Variants in RAB39A observed in about 807,000 individuals in gnomAD.
RAB39A encodes the protein ras-related protein Rab-39A.
Under a neutral mutation model 20.9 loss-of-function variants are expected in RAB39A, and 17 were observed. The ratio of observed to expected loss-of-function variants is 0.81; its 90% confidence interval spans 0.56 to 1.22. RAB39A has a LOEUF of 1.22. RAB39A is among the 50% of genes most tolerant of loss of function. The pLI, the probability that RAB39A is intolerant of heterozygous loss-of-function variation, is 0.00. For synonymous variants in RAB39A, 99 were observed against 103.4 expected, an observed-to-expected ratio of 0.96 and a Z score of 0.26; for missense variants, 234 against 270.5, an observed-to-expected ratio of 0.87 and a Z score of 0.95.
Position 107,928,495 on chromosome 11 carries a change from C to G in RAB39A, c.-74C>G, listed in dbSNP as rs1591238297. 3.3e-6 allele frequency: 4 copies of G among 1,199,776 alleles called. No homozygotes were observed. Among genetic ancestry groups the G allele is most frequent in the Non-Finnish European group, 3.3e-6 (3 of 909,200 alleles). 74.3% of individuals were successfully genotyped at this position (1,199,776 alleles called of 1,614,324 possible). The stretch of plus-strand genomic sequence containing the variant: ...GCGGCGGGCGGGCGCCCGCGAGGTG[C>G]TGAAAGGACAGTTCCCGCCGCCGAA... On this transcript the variant is annotated 5_prime_UTR_variant, in exon 1 of 2. Coordinates refer to ENST00000320578, the MANE Select transcript of RAB39A (RefSeq NM_017516.3). This position sits in a 1 kb window ranked among gnomAD's most constrained non-coding sequence, Gnocchi z 4.9.
At position 107,928,462 on chromosome 11, in the gene RAB39A, G is replaced by A. The variant is rs1861103232; in HGVS notation, c.-107G>A. 1 of 816,496 alleles carries A rather than the reference G, an allele frequency of 1.2e-6. No individual in the cohort carries two copies. Among genetic ancestry groups the A allele is most frequent in the Non-Finnish European group, 1.7e-6 (1 of 584,680 alleles). The allele number at this position is 816,496 out of a possible 1,614,324, so 50.6% of individuals were successfully genotyped here. A position where few individuals can be genotyped will look rare whatever the true frequency, so the allele number is the denominator to read the frequency against. On this transcript the variant is annotated 5_prime_UTR_variant, in exon 1 of 2. An upstream start codon of the reference 5' UTR is lost. Transcript: ENST00000320578. The surrounding 1 kb of genome is among the most constrained non-coding windows in gnomAD (Gnocchi z 4.9). ...GCGGCGGCCGCAGCCGCAGGAATAT[G>A]CTGGAAGGCGGCGGGCGGGCGCCCG... is the stretch of plus-strand genomic sequence containing the variant.
chr11:107,929,742 A>G (rs1861118083), intron 1 of RAB39A, among the ~76,000 whole-genome samples: 1 of 152,212 alleles, frequency 6.6e-6, no homozygotes, highest in Non-Finnish European at 1.5e-5. Context: ...AAATGAAATT[A>G]TATGCATTTC....
At chr11:107,945,362 C>T (rs1222944061) in intron 1 of RAB39A, among the ~76,000 whole-genome samples, 2 of 147,746 alleles carry the variant, frequency 1.4e-5, no homozygotes, top group African/African-American at 5.0e-5. Context: ...GTGAAGATAG[C>T]AGATTGAACA....
At chr11:107,929,663 T>C (rs1861117262) in intron 1 of RAB39A, among the ~76,000 whole-genome samples, 1 of 152,170 alleles carries the variant, frequency 6.6e-6, no homozygotes, top group Non-Finnish European at 1.5e-5. Flanking sequence ...TCCAAATGAA[T>C]AGTCTCCTCC....
At chr11:107,933,323 G>A (rs1215440606) in intron 1 of RAB39A, among the ~76,000 whole-genome samples, 981 of 42,714 alleles carry the variant, frequency 0.023, 14 homozygotes, top group African/African-American at 0.046. Context: ...ATGTGTGTGT[G>A]TGTGTGTGTG....
At chr11:107,930,131 G>A (rs898147053) in intron 1 of RAB39A, among the ~76,000 whole-genome samples, 2 of 152,150 alleles carry the variant, frequency 1.3e-5, no homozygotes, top group Admixed American at 6.6e-5. Context: ...CTTAGTTTTC[G>A]TGTGTGTGAA....
At chr11:107,935,152 G>C (rs1861180866) in intron 1 of RAB39A, among the ~76,000 whole-genome samples, 1 of 152,092 alleles carries the variant, frequency 6.6e-6, no homozygotes, top group African/African-American at 2.4e-5. Flanking sequence ...AGGGTTCTTG[G>C]ATCTTGCACA....
Position 107,928,491 on chromosome 11 carries a change from G to A in RAB39A, c.-78G>A. On this transcript the variant is annotated 5_prime_UTR_variant, in exon 1 of 2. Coordinates refer to ENST00000320578, the MANE Select transcript of RAB39A (RefSeq NM_017516.3). This position sits in a 1 kb window ranked among gnomAD's most constrained non-coding sequence, Gnocchi z 4.9. Reference sequence around the variant, plus strand: ...GAAGGCGGCGGGCGGGCGCCCGCGAGGTGCTGAAAGGACAGTTCCCGCCGC... The same window carrying A: ...GAAGGCGGCGGGCGGGCGCCCGCGAAGTGCTGAAAGGACAGTTCCCGCCGC... The A allele has an allele frequency of 8.9e-7, 1 of 1,118,782 alleles. No homozygotes were observed. The highest frequency in any genetic ancestry group is 1.2e-6 in the Non-Finnish European group (1 of 850,400). The allele number at this position is 1,118,782 out of a possible 1,614,324, so 69.3% of individuals were successfully genotyped here.
chr11:107,952,027 C>A (rs1029035428), intron 1 of RAB39A, among the ~76,000 whole-genome samples: 11 of 152,058 alleles, frequency 7.2e-5, no homozygotes, highest in African/African-American at 2.2e-4. Flanking sequence ...TATGCAAACT[C>A]CAGTGCTGTC....
At chr11:107,935,116 A>G in intron 1 of RAB39A, among the ~76,000 whole-genome samples, 1 of 152,086 alleles carries the variant, frequency 6.6e-6, no homozygotes. Context: ...GTTACAGGAA[A>G]GGGGTCCCGA....
chr11:107,946,888 G>A (rs1400770226), intron 1 of RAB39A, among the ~76,000 whole-genome samples: 1 of 151,894 alleles, frequency 6.6e-6, no homozygotes, highest in Non-Finnish European at 1.5e-5. Flanking sequence ...TGGAGTTTGA[G>A]ACCAGCCTGG....
Position 107,961,969 on chromosome 11 carries a change from G to A in RAB39A, c.251G>A (p.Arg84His), listed in dbSNP as rs762195679. 6.2e-6 allele frequency: 10 copies of A among 1,611,986 alleles called. No homozygotes were observed. The highest frequency in any genetic ancestry group is 2.2e-5 in the South Asian group (2 of 90,934). The change falls in exon 2 of 2, where the codon CGC becomes CAC. Residue 84 changes from arginine (R) to histidine (H), a missense_variant. Transcript: ENST00000320578. ...AGATCAATAACCCGATCTTATTACC[G>A]CAACTCAGTTGGTGGATTTTTAGTA... The part of the protein sequence containing the change: ...RFRSITRSYY[R>H]NSVGGFLVFD...
intron 1 of RAB39A, among the ~76,000 whole-genome samples, chr11:107,943,587 A>G (rs1861281096): frequency 6.6e-6 from 1 of 151,762 alleles, no homozygotes; most frequent in Non-Finnish European, 1.5e-5. Flanking sequence ...AAAAAAAAAA[A>G]GAAATTAATC....
At chr11:107,949,331 A>G (rs968417198) in intron 1 of RAB39A, among the ~76,000 whole-genome samples, 2 of 152,168 alleles carry the variant, frequency 1.3e-5, no homozygotes, top group African/African-American at 2.4e-5. Flanking sequence ...GAAAAGAACA[A>G]AAAGAATGAT....
chr11:107,954,479 G>A (rs78607693), intron 1 of RAB39A, among the ~76,000 whole-genome samples: 7,525 of 152,144 alleles, frequency 0.049, 194 homozygotes, highest in Middle Eastern at 0.15. Flanking sequence ...AACCCTTCGC[G>A]TCTGCTCATG....
At chr11:107,930,327 T>A (rs1207102988) in intron 1 of RAB39A, among the ~76,000 whole-genome samples, 1 of 152,210 alleles carries the variant, frequency 6.6e-6, no homozygotes. Flanking sequence ...CTAACATTCC[T>A]TCCAGTTTTA....
At chr11:107,956,783 T>C (rs1861441411) in intron 1 of RAB39A, among the ~76,000 whole-genome samples, 1 of 152,214 alleles carries the variant, frequency 6.6e-6, no homozygotes, top group Non-Finnish European at 1.5e-5. Context: ...CATGCTGGAC[T>C]GATCCAGAGA....
At chr11:107,948,730 G>T (rs973648705) in intron 1 of RAB39A, among the ~76,000 whole-genome samples, 2 of 152,004 alleles carry the variant, frequency 1.3e-5, no homozygotes, top group Admixed American at 6.6e-5. Flanking sequence ...GTGAGCCACC[G>T]CGCCCAGCTA....
chr11:107,939,702 A>C (rs1861240938), intron 1 of RAB39A, among the ~76,000 whole-genome samples: 1 of 152,096 alleles, frequency 6.6e-6, no homozygotes, highest in Non-Finnish European at 1.5e-5. Flanking sequence ...ACACCAAAAG[A>C]GATAGCACCT....
Sources: allele counts gnomAD v4.1 joint callset (sites outside exome capture counted in the v4.1 genomes callset), GRCh38; gene constraint gnomAD v4.1.1; non-coding constraint Gnocchi (gnomAD v3.1); transcripts MANE v1.5; gene names NCBI Gene and HGNC (gene_info 2026-07-23, HGNC 2026-07-21).